USP25: variants seen among roughly 807,000 people sequenced by gnomAD.
USP25 encodes ubiquitin carboxyl-terminal hydrolase 25.
USP25 carries 85 observed loss-of-function variants against 158.5 expected under a neutral mutation model. That is an observed-to-expected ratio of 0.54 (90% CI 0.45 to 0.64). The LOEUF is 0.64. Among genes scored for constraint, USP25 ranks in the 30% least tolerant of loss-of-function variants. The pLI is 0.00. For missense variants in USP25, 1,242 were observed against 1,327.3 expected, an observed-to-expected ratio of 0.94 and a Z score of 1.00; for synonymous variants, 464 against 460.4, an observed-to-expected ratio of 1.01 and a Z score of -0.10.
chr21:15,817,776 GA>G (rs201414837), intron 9 of USP25, among the ~76,000 whole-genome samples: 11,446 of 152,118 alleles, frequency 0.075, 501 homozygotes, highest in East Asian at 0.092. Context: ...CGGTATGGGG[GA>G]AACCGCCCCC....
chr21:15,878,327 A>AC lies in USP25; in HGVS notation c.3230_3231insC (p.Leu1079PhefsTer6). On this transcript the variant is annotated frameshift_variant, in exon 26 of 26. Transcript: ENST00000400183. LOFTEE classifies it high-confidence loss of function. ...GCACACCTCCAAGAAAAGCTGACAG[A>AC]TTTTTTGCCAAAACTGCTTGATTGT... 1 of 1,612,192 alleles carries AC rather than the reference A, an allele frequency of 6.2e-7. No individual in the cohort carries two copies. Among genetic ancestry groups the AC allele is most frequent in the Non-Finnish European group, 8.5e-7 (1 of 1,179,186 alleles).
intron 6 of USP25, among the ~76,000 whole-genome samples, chr21:15,800,739 T>G (rs910583695): frequency 2.0e-5 from 3 of 151,520 alleles, no homozygotes; most frequent in African/African-American, 7.2e-5. Flanking sequence ...GCTGAACTTT[T>G]TTGACCTATT....
intron 14 of USP25, among the ~76,000 whole-genome samples, chr21:15,829,847 C>T (rs2037710485): frequency 6.6e-6 from 1 of 152,120 alleles, no homozygotes; most frequent in South Asian, 2.1e-4. Flanking sequence ...AGTTTTCTGA[C>T]AGGCTTAAGA....
At chr21:15,877,094 T>C (rs1402886864) in intron 24 of USP25, 2 of 152,218 alleles carry the variant, frequency 1.3e-5, no homozygotes, top group Admixed American at 1.3e-4. Context: ...TTCATTTATA[T>C]ATTGGGTATT....
At chr21:15,770,329 G>T (rs563763326) in intron 3 of USP25, among the ~76,000 whole-genome samples, 1 of 152,094 alleles carries the variant, frequency 6.6e-6, no homozygotes, top group Non-Finnish European at 1.5e-5. Context: ...TCCAACTGAT[G>T]GGTGCAATTA....
intron 20 of USP25, among the ~76,000 whole-genome samples, chr21:15,856,818 A>G (rs1033390251): frequency 1.3e-5 from 2 of 152,094 alleles, no homozygotes; most frequent in African/African-American, 4.8e-5. Flanking sequence ...TTTTTCATGT[A>G]TATGTAATTA....
At position 15,848,468 on chromosome 21, in the gene USP25, A is replaced by G. The variant is rs550700978; in HGVS notation, c.2451+692A>G. On this transcript the variant is annotated intron_variant, in intron 19 of 25. Transcript: ENST00000400183. ...TTCCACTTTTCTCTTGAGACACTTAATATTACTCTTTTTGAGGAACGGCCA... is the reference window on the plus strand; with the variant it reads ...TTCCACTTTTCTCTTGAGACACTTAGTATTACTCTTTTTGAGGAACGGCCA... 3.9e-5 allele frequency among the ~76,000 whole-genome samples: 6 copies of G among 152,138 alleles called. No homozygotes were observed. The East Asian group carries it at 1.2e-3, about 29-fold the overall frequency.
intron 9 of USP25, among the ~76,000 whole-genome samples, chr21:15,815,945 G>T (rs2036917039): frequency 6.6e-6 from 1 of 152,164 alleles, no homozygotes; most frequent in South Asian, 2.1e-4. Flanking sequence ...GCTAAAATGA[G>T]CTAAGACTTT....
intron 10 of USP25, 136 bp downstream of exon 10, chr21:15,818,982 G>T: frequency 2.7e-6 from 3 of 1,100,236 alleles, no homozygotes; most frequent in East Asian, 4.8e-5. Context: ...GGATTTAATT[G>T]GTAATTTAGA....
intron 3 of USP25, among the ~76,000 whole-genome samples, chr21:15,767,222 T>G (rs563331464): frequency 6.6e-6 from 1 of 152,228 alleles, no homozygotes; most frequent in Non-Finnish European, 1.5e-5. Context: ...ACAGAATGGC[T>G]TGAAGTTCTC....
intron 17 of USP25, among the ~76,000 whole-genome samples, chr21:15,838,407 C>T (rs9974166): frequency 0.072 from 10,928 of 151,954 alleles, 1,231 homozygotes; most frequent in African/African-American, 0.24. Flanking sequence ...ACAAAATAGT[C>T]ACACAATAAG....
At chr21:15,849,967 T>A in intron 20 of USP25, 95 bp downstream of exon 20, 1 of 1,002,156 alleles carries the variant, frequency 1.0e-6, no homozygotes, top group Non-Finnish European at 1.4e-6. Context: ...GTTTTCTGTA[T>A]AATTTCTCTT....
chr21:15,762,033 A>G (rs1210998172), intron 1 of USP25, among the ~76,000 whole-genome samples: 1 of 151,958 alleles, frequency 6.6e-6, no homozygotes, highest in East Asian at 1.9e-4. Context: ...AATGATGTAA[A>G]TATTCTGTTC....
intron 1 of USP25, among the ~76,000 whole-genome samples, chr21:15,739,871 C>T (rs1285475234): frequency 6.6e-6 from 1 of 152,182 alleles, no homozygotes; most frequent in Non-Finnish European, 1.5e-5. Flanking sequence ...TTTATTTTGG[C>T]AGACTTTAAT....
At chr21:15,788,687 ATTCC>A (rs1000913772) in intron 4 of USP25, among the ~76,000 whole-genome samples, 2 of 152,046 alleles carry the variant, frequency 1.3e-5, no homozygotes, top group Admixed American at 1.3e-4. Context: ...AAATCATGGC[ATTCC>A]CCTTTCACCT....
At chr21:15,805,067 A>G (rs1600969244) in intron 6 of USP25, 54 bp from the exon 7 acceptor site, 1 of 1,502,658 alleles carries the variant, frequency 6.7e-7, no homozygotes, top group Non-Finnish European at 8.9e-7. Context: ...ATTAGTAAAA[A>G]TTTTCTTAAT....
At chr21:15,818,675 A>T in intron 9 of USP25, 23 bp from the exon 10 acceptor site, 1 of 1,594,646 alleles carries the variant, frequency 6.3e-7, no homozygotes, top group East Asian at 2.2e-5. Flanking sequence ...ATTGAGTATT[A>T]TTAATTTTCT....
At chr21:15,775,383 A>T (rs1568788005) in intron 3 of USP25, among the ~76,000 whole-genome samples, 1 of 152,172 alleles carries the variant, frequency 6.6e-6, no homozygotes, top group Non-Finnish European at 1.5e-5. Context: ...GAAGGACTGG[A>T]GGAAAGCTCT....
chr21:15,847,794 C>T lies in USP25; in HGVS notation c.2451+18C>T. 2 of 1,476,160 alleles carry T rather than the reference C, an allele frequency of 1.4e-6. No homozygotes were observed. Among genetic ancestry groups the T allele is most frequent in the Non-Finnish European group, 1.9e-6 (2 of 1,080,204 alleles). 91.4% of individuals were successfully genotyped at this position (1,476,160 alleles called of 1,614,324 possible). ...ATGACGAGGTACCTTTTACAGCCCTCTGCACCATTGCTACTTAACTTTTGC... is the reference window on the plus strand; with the variant it reads ...ATGACGAGGTACCTTTTACAGCCCTTTGCACCATTGCTACTTAACTTTTGC... On this transcript the variant is annotated intron_variant, in intron 19 of 25. Transcript: ENST00000400183.
Sources: allele counts gnomAD v4.1 joint callset (sites outside exome capture counted in the v4.1 genomes callset), GRCh38; gene constraint gnomAD v4.1.1; transcripts MANE v1.5; gene names NCBI Gene and HGNC (gene_info 2026-07-23, HGNC 2026-07-21).